Variants in JARID2 observed in about 807,000 individuals in gnomAD.
JARID2 encodes the protein jumonji and AT-rich interaction domain containing 2, also known as protein Jumonji.
A neutral mutation model predicts 125.6 loss-of-function variants in JARID2; 21 were observed. That is an observed-to-expected ratio of 0.17 (90% CI 0.12 to 0.24). JARID2 has a LOEUF of 0.24. Among genes scored for constraint, JARID2 ranks in the 10% least tolerant of loss-of-function variants. JARID2 has a pLI of 1.00. For synonymous variants in JARID2, 736 were observed against 661.6 expected (o/e 1.11, Z -1.73); for missense variants, 1,303 against 1,639.6 (o/e 0.79, Z 3.55).
intron 1 of JARID2, among the ~76,000 whole-genome samples, chr6:15,291,599 G>A (rs775581976): frequency 2.6e-5 from 4 of 152,194 alleles, no homozygotes; most frequent in Non-Finnish European, 5.9e-5. Context: ...CAGAATCGCT[G>A]CATTCAGGAG....
rs751710718 is a variant in JARID2, at chr6:15,487,402, C to G, written c.766C>G (p.His256Asp). 1 of 1,614,264 alleles carries G rather than the reference C, an allele frequency of 6.2e-7. No individual in the cohort carries two copies. The highest frequency in any genetic ancestry group is 8.5e-7 in the Non-Finnish European group (1 of 1,180,048). The change falls in exon 6 of 18, where the codon CAC becomes GAC. Residue 256 changes from histidine (H) to aspartate (D), a missense_variant. Physicochemically the swap from His to Asp is moderately conservative, Grantham distance 81. Coordinates refer to ENST00000341776, the MANE Select transcript of JARID2 (RefSeq NM_004973.4). ...TCCCGCAAAGGAGAAGCACAGCGAT[C>G]ACCGGGCTGACAGCCGCCGGGAGCA... ...ATPAKEKHSD[H>D]RADSRREQAS...
chr6:15,400,837 G>C (rs982276886), intron 2 of JARID2: 15 of 1,281,260 alleles, frequency 1.2e-5, no homozygotes, highest in Non-Finnish European at 1.5e-5. Context: ...TGCTTATTAC[G>C]TACAGGGGAG....
At chr6:15,312,863 A>G (rs1430448276) in intron 1 of JARID2, among the ~76,000 whole-genome samples, 1 of 152,130 alleles carries the variant, frequency 6.6e-6, no homozygotes, top group Non-Finnish European at 1.5e-5. Flanking sequence ...TAACTGAGAG[A>G]TGATCCAGCC....
chr6:15,260,990 C>T (rs1282422804), intron 1 of JARID2, among the ~76,000 whole-genome samples: 1 of 152,068 alleles, frequency 6.6e-6, no homozygotes, highest in Non-Finnish European at 1.5e-5. Flanking sequence ...TTATTTCTTT[C>T]CAGAATTTAT....
intron 5 of JARID2, among the ~76,000 whole-genome samples, chr6:15,482,523 T>G (rs533215990): frequency 1.2e-4 from 18 of 152,374 alleles, no homozygotes; most frequent in Non-Finnish European, 2.6e-4. Context: ...CAAAAACTTA[T>G]TAAGAGTTAC....
At chr6:15,354,271 A>G (rs914268337) in intron 1 of JARID2, among the ~76,000 whole-genome samples, 1 of 152,212 alleles carries the variant, frequency 6.6e-6, no homozygotes, top group African/African-American at 2.4e-5. Context: ...AAGCCATGGC[A>G]TATTAGCAGC....
At chr6:15,349,575 A>G (rs899930992) in intron 1 of JARID2, among the ~76,000 whole-genome samples, 6 of 152,184 alleles carry the variant, frequency 3.9e-5, no homozygotes, top group Non-Finnish European at 8.8e-5. Context: ...GTTTTGGCCA[A>G]AGATCACTGA....
At chr6:15,451,816 C>G (rs1458901326) in intron 3 of JARID2, among the ~76,000 whole-genome samples, 190 bp from the exon 4 acceptor site, 2 of 152,030 alleles carry the variant, frequency 1.3e-5, no homozygotes, top group Non-Finnish European at 2.9e-5. Context: ...AGTCCTTTAA[C>G]CAAATTTATT....
intron 1 of JARID2, among the ~76,000 whole-genome samples, chr6:15,358,543 G>A (rs1241073595): frequency 1.3e-5 from 2 of 152,192 alleles, no homozygotes; most frequent in Non-Finnish European, 2.9e-5. Flanking sequence ...ATGGATGATA[G>A]CAGATTGATT....
intron 2 of JARID2, among the ~76,000 whole-genome samples, chr6:15,392,073 T>TGTGC (rs1561832757): frequency 1.8e-5 from 1 of 54,208 alleles, no homozygotes; most frequent in Non-Finnish European, 3.7e-5. Flanking sequence ...TGTGTGTGTG[T>TGTGC]GTGTGCGTGT....
At chr6:15,436,923 A>G (rs952446618) in intron 3 of JARID2, among the ~76,000 whole-genome samples, 3 of 152,026 alleles carry the variant, frequency 2.0e-5, no homozygotes, top group African/African-American at 4.8e-5. Flanking sequence ...TGAGAGAGCA[A>G]TTGAGTGCTC....
At chr6:15,279,530 C>T (rs970762629) in intron 1 of JARID2, among the ~76,000 whole-genome samples, 1 of 152,174 alleles carries the variant, frequency 6.6e-6, no homozygotes, top group Non-Finnish European at 1.5e-5. Context: ...TCTTTATCTC[C>T]CTTCTTGCTA....
intron 1 of JARID2, among the ~76,000 whole-genome samples, chr6:15,316,815 T>C (rs1762196102): frequency 6.6e-6 from 1 of 152,222 alleles, no homozygotes; most frequent in African/African-American, 2.4e-5. Context: ...TGCTATTGTT[T>C]TTAACACAGC....
chr6:15,305,073 G>T (rs1301368174), intron 1 of JARID2, among the ~76,000 whole-genome samples: 1 of 152,180 alleles, frequency 6.6e-6, no homozygotes. Context: ...ACAAGTCTGG[G>T]ATTTTTTGGT....
At chr6:15,482,352 G>A (rs1053165970) in intron 5 of JARID2, among the ~76,000 whole-genome samples, 1 of 151,882 alleles carries the variant, frequency 6.6e-6, no homozygotes, top group African/African-American at 2.4e-5. Flanking sequence ...TTATTAATGT[G>A]GATTATATTT....
chr6:15,253,257 G>A (rs1759526297), intron 1 of JARID2, among the ~76,000 whole-genome samples: 1 of 152,096 alleles, frequency 6.6e-6, no homozygotes, highest in Non-Finnish European at 1.5e-5. Flanking sequence ...TAAAGACGGG[G>A]TTTCACTATG....
chr6:15,380,948 A>G (rs539158810), intron 2 of JARID2, among the ~76,000 whole-genome samples: 99 of 152,278 alleles, frequency 6.5e-4, no homozygotes, highest in African/African-American at 2.2e-3. Flanking sequence ...GAAGGGGAAC[A>G]CCTGTCCCTT....
intron 1 of JARID2, among the ~76,000 whole-genome samples, chr6:15,336,191 C>T (rs1331865699): frequency 6.6e-6 from 1 of 152,222 alleles, no homozygotes; most frequent in East Asian, 1.9e-4. Flanking sequence ...CTGTGGAGAT[C>T]AGTGGCTGCC....
intron 16 of JARID2, among the ~76,000 whole-genome samples, chr6:15,515,106 C>A (rs1375643646): frequency 6.6e-6 from 1 of 151,772 alleles, no homozygotes; most frequent in Non-Finnish European, 1.5e-5. Context: ...GGAATGCGTG[C>A]TGTGATCCTG....
Sources: gnomAD v4.1 joint callset for allele counts (sites outside exome capture counted in the v4.1 genomes callset) on GRCh38, gnomAD v4.1.1 for gene constraint, MANE v1.5 for transcripts, NCBI Gene and HGNC (gene_info 2026-07-23, HGNC 2026-07-21) for gene names.